NEK11: variants seen among roughly 807,000 people sequenced by gnomAD.
NEK11 encodes serine/threonine-protein kinase Nek11.
Under a neutral mutation model 80.7 loss-of-function variants are expected in NEK11, and 72 were observed. The observed-to-expected ratio is 0.89, with a 90% CI of 0.74 to 1.08. NEK11 has a LOEUF of 1.08. Ranked by LOEUF, NEK11 falls within the 50% of genes least tolerant of loss-of-function variation. NEK11 has a pLI of 0.00. For missense variants in NEK11, 764 were observed against 763.6 expected, an observed-to-expected ratio of 1.00 and a Z score of -0.01; for synonymous variants, 251 against 260.7, an observed-to-expected ratio of 0.96 and a Z score of 0.36.
intron 14 of NEK11, among the ~76,000 whole-genome samples, chr3:131,208,249 C>A (rs1389703157): frequency 2.0e-5 from 3 of 152,134 alleles, no homozygotes; most frequent in Non-Finnish European, 4.4e-5. Context: ...TTGTTTTTGT[C>A]AGGTTTGTCA....
chr3:131,339,892 G>A (rs1370607219), intron 17 of NEK11, among the ~76,000 whole-genome samples: 1 of 152,214 alleles, frequency 6.6e-6, no homozygotes, highest in Non-Finnish European at 1.5e-5. Context: ...TACTCCTGAA[G>A]TCATCCTTTA....
chr3:131,228,086 A>G (rs1265300831), intron 14 of NEK11, among the ~76,000 whole-genome samples: 1 of 152,100 alleles, frequency 6.6e-6, no homozygotes, highest in Non-Finnish European at 1.5e-5. Context: ...TTTAAAAAAA[A>G]AGAAATATCT....
chr3:131,242,458 A>C (rs755598785), intron 15 of NEK11, among the ~76,000 whole-genome samples: 3 of 152,142 alleles, frequency 2.0e-5, no homozygotes, highest in Non-Finnish European at 4.4e-5. Context: ...AGTAAAGTTC[A>C]ATTTAAATTA....
chr3:131,191,789 T>C (rs971045036), intron 14 of NEK11, among the ~76,000 whole-genome samples: 2 of 152,138 alleles, frequency 1.3e-5, no homozygotes, highest in African/African-American at 4.8e-5. Context: ...AGAATAAAGC[T>C]AGACCCTTAC....
chr3:131,252,385 A>G (rs1447492581), intron 16 of NEK11, among the ~76,000 whole-genome samples: 6 of 152,130 alleles, frequency 3.9e-5, no homozygotes, highest in African/African-American at 9.6e-5. Context: ...AGACATACAC[A>G]TGTCCTTTCT....
chr3:131,210,254 T>C (rs2094568792), intron 14 of NEK11, among the ~76,000 whole-genome samples: 1 of 152,196 alleles, frequency 6.6e-6, no homozygotes, highest in Non-Finnish European at 1.5e-5. Flanking sequence ...CAGGAGCAGG[T>C]TGTTCGGTTT....
chr3:131,262,329 T>G (rs1286909543), intron 16 of NEK11, among the ~76,000 whole-genome samples: 2 of 152,164 alleles, frequency 1.3e-5, no homozygotes, highest in Non-Finnish European at 2.9e-5. Flanking sequence ...AAAGTCAGCC[T>G]GGGCAACATA....
chr3:131,101,066 A>G (rs1214949320), intron 4 of NEK11, among the ~76,000 whole-genome samples: 2 of 151,948 alleles, frequency 1.3e-5, no homozygotes, highest in South Asian at 2.1e-4. Context: ...TTGTATTTCT[A>G]TGGGATTGGT....
intron 14 of NEK11, among the ~76,000 whole-genome samples, chr3:131,209,021 G>C (rs1389415384): frequency 6.6e-6 from 1 of 152,128 alleles, no homozygotes; most frequent in East Asian, 1.9e-4. Flanking sequence ...AGTGGTGAGA[G>C]AAGGCATCCC....
intron 4 of NEK11, among the ~76,000 whole-genome samples, chr3:131,089,369 A>G (rs1346669571): frequency 1.3e-5 from 2 of 152,282 alleles, no homozygotes; most frequent in East Asian, 3.9e-4. Flanking sequence ...TAATGGAGAT[A>G]TGGTAGGCTA....
chr3:131,106,025 A>T (rs2079126503), intron 4 of NEK11, among the ~76,000 whole-genome samples: 1 of 152,278 alleles, frequency 6.6e-6, no homozygotes, highest in Admixed American at 6.5e-5. Flanking sequence ...TAGTAATTTT[A>T]GTTACATATT....
At chr3:131,204,375 G>A (rs1463420253) in intron 14 of NEK11, among the ~76,000 whole-genome samples, 3 of 152,194 alleles carry the variant, frequency 2.0e-5, no homozygotes, top group Non-Finnish European at 2.9e-5. Context: ...CAAGGAGGGG[G>A]CTGTGAGAAG....
At chr3:131,037,326 C>G (rs988612717) in intron 3 of NEK11, among the ~76,000 whole-genome samples, 1 of 151,394 alleles carries the variant, frequency 6.6e-6, no homozygotes, top group Non-Finnish European at 1.5e-5. Context: ...GCTCTGTTGC[C>G]AGGCTGGAGT....
intron 7 of NEK11, among the ~76,000 whole-genome samples, chr3:131,140,948 T>C (rs2086756504): frequency 6.6e-6 from 1 of 152,168 alleles, no homozygotes; most frequent in South Asian, 2.1e-4. Context: ...GATTCAGTGG[T>C]ATGCTGGAGC....
chr3:131,184,221 G>A (rs1471650873), intron 14 of NEK11, among the ~76,000 whole-genome samples: 1 of 152,154 alleles, frequency 6.6e-6, no homozygotes, highest in Non-Finnish European at 1.5e-5. Flanking sequence ...TCATACCACA[G>A]CAACTTAGAG....
chr3:131,101,809 G>C (rs1230416349), intron 4 of NEK11, among the ~76,000 whole-genome samples: 1 of 152,170 alleles, frequency 6.6e-6, no homozygotes, highest in Admixed American at 6.5e-5. Context: ...GTCTAATGCT[G>C]TCAGTGGGGT....
chr3:131,069,079 A>G lies in NEK11; in HGVS notation c.171-11344A>G, dbSNP rs187959783. On this transcript the variant is annotated intron_variant, in intron 3 of 17. Coordinates refer to ENST00000383366, the MANE Select transcript of NEK11 (RefSeq NM_024800.5). ...GCTGTCTTACTGTTAAGACAGCCAA[A>G]CCACTGCTATTATAAACAAGGTTAA... 4.9e-3 allele frequency among the ~76,000 whole-genome samples: 751 copies of G among 152,240 alleles called. 11 individuals are homozygous for G. The highest frequency in any genetic ancestry group is 0.017 in the African/African-American group (716 of 41,532).
At chr3:131,055,617 C>A (rs565882617) in intron 3 of NEK11, among the ~76,000 whole-genome samples, 3 of 152,222 alleles carry the variant, frequency 2.0e-5, no homozygotes, top group African/African-American at 7.2e-5. Context: ...GTAGTCCTAG[C>A]TACTGGGGAG....
At chr3:131,083,168 A>G (rs1490806926) in intron 4 of NEK11, among the ~76,000 whole-genome samples, 1 of 152,236 alleles carries the variant, frequency 6.6e-6, no homozygotes, top group African/African-American at 2.4e-5. Flanking sequence ...CCCAAAGCAT[A>G]CTGAATTTCG....
Sources: gnomAD v4.1 joint callset for allele counts (sites outside exome capture counted in the v4.1 genomes callset) on GRCh38, gnomAD v4.1.1 for gene constraint, MANE v1.5 for transcripts, NCBI Gene and HGNC (gene_info 2026-07-23, HGNC 2026-07-21) for gene names.